The following B4GALNT3 variants were observed in gnomAD, a reference collection of about 807,000 sequenced individuals.
B4GALNT3 encodes beta-1,4-N-acetylgalactosaminyltransferase 3.
Under a neutral mutation model 120.2 loss-of-function variants are expected in B4GALNT3, and 86 were observed. The ratio of observed to expected loss-of-function variants is 0.72; its 90% confidence interval spans 0.60 to 0.86. The LOEUF (loss-of-function observed/expected upper bound fraction) is 0.86, where lower values mean the gene tolerates loss of function less well. Ranked by LOEUF, B4GALNT3 falls within the 40% of genes least tolerant of loss-of-function variation. B4GALNT3 has a pLI of 0.00. For synonymous variants in B4GALNT3, 518 were observed against 510.4 expected (o/e 1.01, Z -0.20); for missense variants, 1,167 against 1,298.9 (o/e 0.90, Z 1.56).
intron 1 of B4GALNT3, among the ~76,000 whole-genome samples, chr12:520,359 C>T (rs1037552590): frequency 2.0e-5 from 3 of 152,184 alleles, no homozygotes; most frequent in African/African-American, 4.8e-5. Context: ...AACAATGTAA[C>T]TGGCCTGGTT....
In B4GALNT3 at chr12:546,677, T is replaced by C. The variant is rs1947011986; in HGVS notation, c.671T>C (p.Phe224Ser). Residue 224 changes from phenylalanine to serine, a missense_variant, in exon 7 of 20, where the codon TTT becomes TCT. Around this residue, in one of 3 missense-constraint regions of B4GALNT3, gnomAD observed 983 missense variants for 1,102.5 expected, o/e 0.89. Coordinates refer to ENST00000266383, the MANE Select transcript of B4GALNT3 (RefSeq NM_173593.4). ...AAGGAGTGGACCGCCCCGGGAGAGT[T>C]TGGGAAATTTCGGAGCCAAATTTCC... ...TGKEWTAPGEFGKFRSQISKP... is the reference protein window; with the variant it reads ...TGKEWTAPGESGKFRSQISKP... 6 of 1,551,530 alleles carry C rather than the reference T, an allele frequency of 3.9e-6. No individual in the cohort carries two copies. Among genetic ancestry groups the C allele is most frequent in the Non-Finnish European group, 5.2e-6 (6 of 1,146,890 alleles).
rs886178116 is a variant in B4GALNT3, at chr12:545,143, G to A, written c.538+171G>A. 3 of 1,444,602 alleles carry A rather than the reference G, an allele frequency of 2.1e-6. No individual in the cohort carries two copies. The African/African-American group carries it at 4.3e-5, about 21-fold the overall frequency. 89.5% of individuals were successfully genotyped at this position (1,444,602 alleles called of 1,614,324 possible). On this transcript the variant is annotated intron_variant, in intron 5 of 19. Coordinates refer to ENST00000266383, the MANE Select transcript of B4GALNT3 (RefSeq NM_173593.4). ...CGGTCTTGTCCAACTCCCACAGGCT[G>A]CTGCTTTGCTCCCTGGTTTGCAGCC... is the stretch of plus-strand genomic sequence containing the variant.
At chr12:488,324 C>G (rs1041566997) in intron 1 of B4GALNT3, among the ~76,000 whole-genome samples, 64 of 152,198 alleles carry the variant, frequency 4.2e-4, no homozygotes, top group Middle Eastern at 6.8e-3. Context: ...AATGATACGT[C>G]AGAAACTTGG....
chr12:479,529 C>T (rs981822568), intron 1 of B4GALNT3, among the ~76,000 whole-genome samples: 17 of 152,138 alleles, frequency 1.1e-4, no homozygotes, highest in African/African-American at 4.1e-4. Context: ...AAAGTGAAGT[C>T]AGGGAAATAT....
At chr12:558,208 G>A (rs1323358760) in intron 17 of B4GALNT3, 120 bp downstream of exon 17, 2 of 1,116,430 alleles carry the variant, frequency 1.8e-6, no homozygotes, top group Non-Finnish European at 2.6e-6. Flanking sequence ...GACACAGGAG[G>A]TCCTCTCTGC....
chr12:555,204 A>T (rs1024398333), intron 14 of B4GALNT3: 2 of 329,262 alleles, frequency 6.1e-6, no homozygotes, highest in African/African-American at 2.2e-5. Context: ...AAAGAAAAAA[A>T]AAAAGAAACC....
Position 535,680 on chromosome 12 carries a change from G to A in B4GALNT3, c.273+411G>A, listed in dbSNP as rs1416620917. Among the ~76,000 whole-genome samples, 11 of 152,212 alleles carry A rather than the reference G, an allele frequency of 7.2e-5. No individual in the cohort carries two copies. In the East Asian group the frequency reaches 1.7e-3, roughly 24 times the overall value. ...GGTGGATGGACACCCCTCCCTGCCC[G>A]TAGCTGGGAGTACAGACTTGTGGTG... On this transcript the variant is annotated intron_variant, in intron 2 of 19. Transcript: ENST00000266383.
chr12:508,847 C>G (rs1946521217), intron 1 of B4GALNT3, among the ~76,000 whole-genome samples: 1 of 152,226 alleles, frequency 6.6e-6, no homozygotes, highest in African/African-American at 2.4e-5. Flanking sequence ...CAAAGTGCCC[C>G]AGGAGGCCTT....
chr12:505,605 C>A (rs1437800012), intron 1 of B4GALNT3, among the ~76,000 whole-genome samples: 3 of 152,160 alleles, frequency 2.0e-5, no homozygotes, highest in Admixed American at 6.5e-5. Flanking sequence ...CATTTTCTGG[C>A]CTTTCTCATG....
chr12:553,254 C>T lies in B4GALNT3; in HGVS notation c.1331C>T (p.Ala444Val). ...QYGEVAEETPASNNQNARMLE... is the reference protein window; with the variant it reads ...QYGEVAEETPVSNNQNARMLE... ...GGGGAAGTGGCAGAGGAGACCCCTGCCTCCAACAACCAGAATGCCAGGATG... is the reference window on the plus strand; with the variant it reads ...GGGGAAGTGGCAGAGGAGACCCCTGTCTCCAACAACCAGAATGCCAGGATG... The change falls in exon 14 of 20, where the codon GCC becomes GTC. Residue 444 changes from alanine (A) to valine (V), a missense_variant. Physicochemically the swap from Ala to Val is moderately conservative, Grantham distance 64 (BLOSUM62 0). Transcript: ENST00000266383. 2.5e-6 allele frequency: 4 copies of T among 1,613,546 alleles called. No homozygotes were observed. Among genetic ancestry groups the T allele is most frequent in the Non-Finnish European group, 3.4e-6 (4 of 1,180,022 alleles).
rs143781587 is a variant in B4GALNT3, at chr12:551,009, A to G, written c.1085A>G (p.Gln362Arg). Reference protein sequence around the residue: ...PSYLVDGLPLQRYQGLRFVHL... With the variant: ...PSYLVDGLPLRRYQGLRFVHL... ...TATCTGGTGGATGGGCTTCCTCTGC[A>G]GCGCTACCAGGGACTCCGGTTTGTA... is the stretch of plus-strand genomic sequence containing the variant. The change falls in exon 11 of 20, where the codon CAG becomes CGG. Residue 362 changes from glutamine to arginine, a missense_variant. Transcript: ENST00000266383. 2.1e-4 allele frequency: 346 copies of G among 1,613,168 alleles called. No homozygotes were observed. In the African/African-American group the frequency reaches 3.8e-3, roughly 18 times the overall value.
chr12:510,097 G>A (rs890833092), intron 1 of B4GALNT3, among the ~76,000 whole-genome samples: 3 of 152,160 alleles, frequency 2.0e-5, no homozygotes, highest in African/African-American at 7.2e-5. Context: ...ATTCCCTTTC[G>A]TCTCCAGGCA....
chr12:510,788 A>G (rs1386517616), intron 1 of B4GALNT3, among the ~76,000 whole-genome samples: 1 of 152,036 alleles, frequency 6.6e-6, no homozygotes, highest in African/African-American at 2.4e-5. Context: ...AAAGAGGAGT[A>G]GAGGCTATAA....
At chr12:521,412 G>A (rs1055447018) in intron 1 of B4GALNT3, among the ~76,000 whole-genome samples, 9 of 152,204 alleles carry the variant, frequency 5.9e-5, no homozygotes, top group South Asian at 2.1e-4. Flanking sequence ...AATCACTGCC[G>A]TGGTTCCTGG....
chr12:500,145 A>G (rs1481588544), intron 1 of B4GALNT3, among the ~76,000 whole-genome samples: 4 of 146,534 alleles, frequency 2.7e-5, no homozygotes, highest in African/African-American at 1.0e-4. Flanking sequence ...TTTTTTTTTT[A>G]CGTTTAATTT....
At chr12:484,523 A>G (rs1453620987) in intron 1 of B4GALNT3, among the ~76,000 whole-genome samples, 1 of 152,288 alleles carries the variant, frequency 6.6e-6, no homozygotes, top group East Asian at 1.9e-4. Flanking sequence ...CCCCAAGTCA[A>G]TCAGTTAGAT....
chr12:553,382 C>T lies in B4GALNT3; in HGVS notation c.1459C>T (p.Leu487=). Residue 487 remains leucine, a synonymous_variant, in exon 14 of 20, where the codon CTG becomes TTG. Coordinates refer to ENST00000266383, the MANE Select transcript of B4GALNT3 (RefSeq NM_173593.4). The stretch of plus-strand genomic sequence containing the variant: ...CCTGGCTCAGCCCCGGGAGGGCCTG[C>T]TGGCCCCCTTCTCCAAGCGGAACTC... ...KLLAQPREGL[L]APFSKRNSTA... is the part of the protein sequence containing the mutation. 1.2e-6 allele frequency: 2 copies of T among 1,613,828 alleles called. No homozygotes were observed. Among genetic ancestry groups the T allele is most frequent in the Non-Finnish European group, 1.7e-6 (2 of 1,180,040 alleles).
chr12:543,743 T>C (rs1330674061), intron 3 of B4GALNT3, among the ~76,000 whole-genome samples: 51 of 76,006 alleles, frequency 6.7e-4, no homozygotes, highest in Non-Finnish European at 7.7e-4. Flanking sequence ...GGAGCTGGGA[T>C]GGGCATGGGG....
rs568968009 is a variant in B4GALNT3, at chr12:552,595, A to G, written c.1270+67A>G. Reference sequence around the variant, plus strand: ...GGCGACCATGGTCTGTTTCCAGGGGATGTTCAGACCGTGCCAGCCCCGCCC... The same window carrying G: ...GGCGACCATGGTCTGTTTCCAGGGGGTGTTCAGACCGTGCCAGCCCCGCCC... On this transcript the variant is annotated intron_variant, in intron 13 of 19. Coordinates refer to ENST00000266383, the MANE Select transcript of B4GALNT3 (RefSeq NM_173593.4). 16 of 1,511,618 alleles carry G rather than the reference A, an allele frequency of 1.1e-5. No homozygotes were observed. In the South Asian group the frequency reaches 1.9e-4, roughly 18 times the overall value. The allele number at this position is 1,511,618 out of a possible 1,614,324, so 93.6% of individuals were successfully genotyped here. A position where few individuals can be genotyped will look rare whatever the true frequency, so the allele number is the denominator to read the frequency against.
Sources: allele counts gnomAD v4.1 joint callset (sites outside exome capture counted in the v4.1 genomes callset), GRCh38; gene constraint gnomAD v4.1.1; regional missense constraint gnomAD v4.1.1; transcripts MANE v1.5; gene names NCBI Gene and HGNC (gene_info 2026-07-23, HGNC 2026-07-21).